MSRB3: variants seen among roughly 807,000 people sequenced by gnomAD.
MSRB3 encodes the protein methionine sulfoxide reductase B3, also known as methionine-R-sulfoxide reductase B3.
In MSRB3, 13 loss-of-function variants were observed where a neutral mutation model predicts 21.0. The ratio of observed to expected loss-of-function variants is 0.62; its 90% CI spans 0.40 to 0.98. The LOEUF is 0.98. MSRB3 is among the 50% of genes least tolerant of loss of function. The probability of loss-of-function intolerance (pLI) is 0.00; values close to 1 mark genes in which losing one functional copy is unlikely to be tolerated. For synonymous variants in MSRB3, 87 were observed against 88.6 expected (o/e 0.98, Z 0.10); for missense variants, 199 against 230.3 (o/e 0.86, Z 0.88).
At chr12:65,446,289 G>T (rs1192070362) in intron 5 of MSRB3, among the ~76,000 whole-genome samples, 1 of 152,190 alleles carries the variant, frequency 6.6e-6, no homozygotes, top group East Asian at 1.9e-4. Flanking sequence ...TTCTAACTCA[G>T]ATGCCATTGC....
intron 5 of MSRB3, among the ~76,000 whole-genome samples, chr12:65,369,650 CATT>C (rs1197911242): frequency 2.0e-5 from 3 of 152,098 alleles, no homozygotes; most frequent in Admixed American, 6.6e-5. Context: ...TTGACTATGT[CATT>C]ATGTCACTTG....
intron 4 of MSRB3, among the ~76,000 whole-genome samples, chr12:65,343,551 G>A (rs1876281048): frequency 6.6e-6 from 1 of 151,958 alleles, no homozygotes; most frequent in Admixed American, 6.6e-5. Flanking sequence ...TTAAAATTGG[G>A]AATATTTTAA....
At chr12:65,315,697 A>T (rs1874254259) in intron 2 of MSRB3, among the ~76,000 whole-genome samples, 1 of 148,342 alleles carries the variant, frequency 6.7e-6, no homozygotes, top group Admixed American at 6.7e-5. Flanking sequence ...AAAAAAACCC[A>T]TGAAATGACA....
chr12:65,382,332 C>A (rs759083408), intron 5 of MSRB3, among the ~76,000 whole-genome samples: 9 of 139,422 alleles, frequency 6.5e-5, no homozygotes, highest in Non-Finnish European at 1.4e-4. Flanking sequence ...CCCAGTCAAT[C>A]AAAAATAGAC....
intron 5 of MSRB3, among the ~76,000 whole-genome samples, chr12:65,388,530 T>G (rs1024728082): frequency 3.3e-5 from 5 of 152,236 alleles, no homozygotes; most frequent in African/African-American, 1.2e-4. Context: ...CTAAATCCAC[T>G]TGTGTAATTC....
At chr12:65,437,332 G>A (rs544598374) in intron 5 of MSRB3, among the ~76,000 whole-genome samples, 12 of 151,920 alleles carry the variant, frequency 7.9e-5, no homozygotes, top group South Asian at 6.2e-4. Context: ...ACTAAGAAGC[G>A]GCTAAACATC....
intron 5 of MSRB3, among the ~76,000 whole-genome samples, chr12:65,439,654 G>A (rs1480558228): frequency 6.6e-6 from 1 of 151,220 alleles, no homozygotes; most frequent in Non-Finnish European, 1.5e-5. Context: ...AAACTTAAAG[G>A]AAATGTTGTA....
chr12:65,354,095 G>A (rs1332217779), intron 4 of MSRB3, among the ~76,000 whole-genome samples: 1 of 152,142 alleles, frequency 6.6e-6, no homozygotes, highest in Admixed American at 6.6e-5. Flanking sequence ...CGAGAGATCA[G>A]CTGTTAGTCT....
chr12:65,294,922 A>G (rs1353554203), intron 1 of MSRB3, among the ~76,000 whole-genome samples: 1 of 152,148 alleles, frequency 6.6e-6, no homozygotes, highest in Admixed American at 6.5e-5. Flanking sequence ...CCTGGGCTCA[A>G]GTGATCCTCC....
chr12:65,338,276 G>T (rs909000104), intron 4 of MSRB3, among the ~76,000 whole-genome samples: 1 of 152,088 alleles, frequency 6.6e-6, no homozygotes, highest in South Asian at 2.1e-4. Context: ...ACTAAATGTC[G>T]GTTTGGGAAG....
intron 4 of MSRB3, among the ~76,000 whole-genome samples, chr12:65,364,820 G>A (rs1284502491): frequency 6.6e-6 from 1 of 152,046 alleles, no homozygotes; most frequent in African/African-American, 2.4e-5. Flanking sequence ...AACAACAAAG[G>A]ACCAGTTTTC....
chr12:65,392,651 A>T (rs1357813691), intron 5 of MSRB3, among the ~76,000 whole-genome samples: 1 of 152,166 alleles, frequency 6.6e-6, no homozygotes, highest in Non-Finnish European at 1.5e-5. Flanking sequence ...AGTCAGACTC[A>T]CTTTCTAAGA....
chr12:65,409,172 G>A (rs1245737942), intron 5 of MSRB3, among the ~76,000 whole-genome samples: 1 of 151,502 alleles, frequency 6.6e-6, no homozygotes, highest in Non-Finnish European at 1.5e-5. Context: ...ATACGTGTGT[G>A]TGTGTTTGTG....
At chr12:65,421,839 C>T (rs978249234) in intron 5 of MSRB3, among the ~76,000 whole-genome samples, 1 of 152,188 alleles carries the variant, frequency 6.6e-6, no homozygotes, top group African/African-American at 2.4e-5. Flanking sequence ...GCATAATAAG[C>T]AGTTAACAAC....
chr12:65,349,553 C>T (rs1876788640), intron 4 of MSRB3, among the ~76,000 whole-genome samples: 1 of 148,594 alleles, frequency 6.7e-6, no homozygotes. Context: ...TATTTCTCCA[C>T]ATCCTCTCCG....
At chr12:65,426,672 A>G (rs1881614190) in intron 5 of MSRB3, among the ~76,000 whole-genome samples, 1 of 152,164 alleles carries the variant, frequency 6.6e-6, no homozygotes, top group African/African-American at 2.4e-5. Context: ...CCCAAATCCT[A>G]TAGCATGAAT....
chr12:65,460,296 C>T (rs1372364057), intron 6 of MSRB3, among the ~76,000 whole-genome samples: 1 of 152,198 alleles, frequency 6.6e-6, no homozygotes, highest in Non-Finnish European at 1.5e-5. Context: ...TCCCAGCTTT[C>T]CCAAGGCTAG....
chr12:65,309,874 C>A (rs1260428529), intron 2 of MSRB3, among the ~76,000 whole-genome samples: 1 of 151,818 alleles, frequency 6.6e-6, no homozygotes, highest in Non-Finnish European at 1.5e-5. Context: ...TGTGCAAGGG[C>A]AAATAGAAGA....
At chr12:65,432,596 A>T (rs1245328276) in intron 5 of MSRB3, among the ~76,000 whole-genome samples, 4 of 151,790 alleles carry the variant, frequency 2.6e-5, no homozygotes, top group Admixed American at 2.0e-4. Flanking sequence ...AGGAACAAAG[A>T]TATCTGGCAT....
Sources: allele counts gnomAD v4.1 joint callset (sites outside exome capture counted in the v4.1 genomes callset), GRCh38; gene constraint gnomAD v4.1.1; transcripts MANE v1.5; gene names NCBI Gene and HGNC (gene_info 2026-07-23, HGNC 2026-07-21).